Variants in STXBP5L observed in about 807,000 individuals in gnomAD.
The protein encoded by STXBP5L is syntaxin-binding protein 5-like.
A neutral mutation model predicts 144.5 loss-of-function variants in STXBP5L; 65 were observed. The ratio of observed to expected loss-of-function variants is 0.45; its 90% CI spans 0.37 to 0.55. The LOEUF is 0.55. Ranked by LOEUF, STXBP5L falls within the 20% of genes least tolerant of loss-of-function variation. STXBP5L has a pLI of 0.00. For missense variants in STXBP5L, 1,298 were observed against 1,405.5 expected, an observed-to-expected ratio of 0.92 and a Z score of 1.22; for synonymous variants, 505 against 469.6, an observed-to-expected ratio of 1.08 and a Z score of -0.97.
intron 5 of STXBP5L, among the ~76,000 whole-genome samples, chr3:121,058,190 T>G (rs150342889): frequency 0.019 from 2,925 of 152,254 alleles, 101 homozygotes; most frequent in African/African-American, 0.067. Flanking sequence ...GTGTTCTCAT[T>G]GTTCGCCTCC....
chr3:121,188,963 A>G (rs985416953), intron 9 of STXBP5L, among the ~76,000 whole-genome samples: 4 of 152,244 alleles, frequency 2.6e-5, no homozygotes, highest in African/African-American at 7.2e-5. Context: ...GGCCAGGGCA[A>G]TCAGGCAAGA....
intron 5 of STXBP5L, among the ~76,000 whole-genome samples, chr3:121,079,051 G>A (rs1471488872): frequency 6.6e-6 from 1 of 152,266 alleles, no homozygotes; most frequent in Non-Finnish European, 1.5e-5. Context: ...CAAAGTGGGA[G>A]CCCAGGCAGA....
intron 3 of STXBP5L, among the ~76,000 whole-genome samples, chr3:121,028,011 C>G (rs950727394): frequency 6.6e-6 from 1 of 151,918 alleles, no homozygotes; most frequent in Non-Finnish European, 1.5e-5. Context: ...TGCAATAGGG[C>G]CAGAAATAAT....
chr3:120,976,230 T>G (rs1413704462), intron 3 of STXBP5L, among the ~76,000 whole-genome samples: 3 of 152,230 alleles, frequency 2.0e-5, no homozygotes, highest in Non-Finnish European at 2.9e-5. Flanking sequence ...GAGCCTGTTA[T>G]TAGTCTATTC....
intron 3 of STXBP5L, among the ~76,000 whole-genome samples, chr3:121,020,255 A>G (rs989828658): frequency 6.6e-6 from 1 of 152,150 alleles, no homozygotes; most frequent in Non-Finnish European, 1.5e-5. Flanking sequence ...TGCCTCCAAG[A>G]CGTTTGGGAT....
At chr3:121,396,299 T>C (rs959811960) in intron 22 of STXBP5L, among the ~76,000 whole-genome samples, 2 of 152,256 alleles carry the variant, frequency 1.3e-5, no homozygotes, top group Admixed American at 6.5e-5. Flanking sequence ...TGGCTTGTCC[T>C]TGAGAATTGT....
At chr3:121,280,106 G>A (rs1402597836) in intron 19 of STXBP5L, 150 bp downstream of exon 19, 1 of 1,000,294 alleles carries the variant, frequency 1.0e-6, no homozygotes, top group Non-Finnish European at 1.4e-6. Flanking sequence ...AAAATAAATT[G>A]GGCAGAAACA....
chr3:121,313,033 GCGGCCGGGCAGAAGCGCCCC>G, intron 19 of STXBP5L, among the ~76,000 whole-genome samples: 1 of 151,468 alleles, frequency 6.6e-6, no homozygotes, highest in African/African-American at 2.4e-5. Context: ...CCCAGTAGGG[GCGGCCGGGCAGAAGCGCCCC>G]TCACCTCCCG....
intron 22 of STXBP5L, among the ~76,000 whole-genome samples, chr3:121,396,529 C>T (rs1236317761): frequency 6.6e-6 from 1 of 152,220 alleles, no homozygotes; most frequent in African/African-American, 2.4e-5. Context: ...ATATGCTAGT[C>T]TCCCAAATGA....
At chr3:121,191,838 T>C (rs1341246887) in intron 9 of STXBP5L, among the ~76,000 whole-genome samples, 1 of 151,842 alleles carries the variant, frequency 6.6e-6, no homozygotes, top group Non-Finnish European at 1.5e-5. Context: ...CAGCAAATTA[T>C]TGCAAGGACA....
intron 5 of STXBP5L, among the ~76,000 whole-genome samples, chr3:121,054,772 G>C (rs556566510): frequency 2.2e-5 from 3 of 137,770 alleles, no homozygotes; most frequent in Admixed American, 1.6e-4. Context: ...TTGTTTTACT[G>C]TTTCTTTTTC....
intron 5 of STXBP5L, among the ~76,000 whole-genome samples, chr3:121,104,836 G>A (rs533878527): frequency 1.4e-4 from 21 of 152,228 alleles, no homozygotes; most frequent in African/African-American, 5.1e-4. Context: ...ATTGGTGTAG[G>A]CAAAGAGCTC....
chr3:121,172,058 A>G (rs2046741807), intron 9 of STXBP5L, among the ~76,000 whole-genome samples: 2 of 152,190 alleles, frequency 1.3e-5, no homozygotes, highest in African/African-American at 4.8e-5. Flanking sequence ...CACATCTACA[A>G]CCACCTGCTC....
At chr3:120,926,242 G>A (rs1709618778) in intron 2 of STXBP5L, among the ~76,000 whole-genome samples, 1 of 151,968 alleles carries the variant, frequency 6.6e-6, no homozygotes, top group Non-Finnish European at 1.5e-5. Context: ...TTTCTTGTAA[G>A]ATGGGTCTGG....
chr3:121,241,025 GTAAA>G (rs1215662793), intron 14 of STXBP5L, among the ~76,000 whole-genome samples: 3 of 152,148 alleles, frequency 2.0e-5, no homozygotes, highest in Non-Finnish European at 4.4e-5. Context: ...GGAAGATAGA[GTAAA>G]TATATTTTTT....
rs2042254615 is a variant in STXBP5L at position 121,081,678 on chromosome 3, C to T, written c.471-33247C>T. On this transcript the variant is annotated intron_variant, in intron 5 of 26. Transcript: ENST00000471454. ...TTTACTGAATTGGTGATTCAACCTT[C>T]AGGCCAATAGGGGTGGTATTCCTGG... Among the ~76,000 whole-genome samples the T allele has an allele frequency of 2.0e-5, 3 of 152,288 alleles. No individual in the cohort carries two copies. The South Asian group carries it at 6.2e-4, about 32-fold the overall frequency.
intron 21 of STXBP5L, among the ~76,000 whole-genome samples, chr3:121,380,034 A>AGGGT (rs1315167854): frequency 1.3e-5 from 2 of 152,060 alleles, no homozygotes; most frequent in Admixed American, 6.6e-5. Context: ...GTGTCTCACT[A>AGGGT]AGTTGCCCAG....
At chr3:121,172,830 G>A (rs113305606) in intron 9 of STXBP5L, among the ~76,000 whole-genome samples, 2,934 of 152,248 alleles carry the variant, frequency 0.019, 90 homozygotes, top group African/African-American at 0.066. Flanking sequence ...CCATTACTGG[G>A]TGTATACCCA....
At chr3:120,979,030 C>T (rs948480061) in intron 3 of STXBP5L, among the ~76,000 whole-genome samples, 1 of 152,206 alleles carries the variant, frequency 6.6e-6, no homozygotes, top group East Asian at 1.9e-4. Flanking sequence ...TCTGCCCGTT[C>T]TCAGATCTCC....
Sources: gnomAD v4.1 joint callset for allele counts (sites outside exome capture counted in the v4.1 genomes callset) on GRCh38, gnomAD v4.1.1 for gene constraint, MANE v1.5 for transcripts, NCBI Gene and HGNC (gene_info 2026-07-23, HGNC 2026-07-21) for gene names.